ARMC8: variants seen among roughly 807,000 people sequenced by gnomAD.
ARMC8 encodes armadillo repeat-containing protein 8.
ARMC8 carries 20 observed loss-of-function variants against 99.3 expected under a neutral mutation model. The ratio of observed to expected loss-of-function variants is 0.20; its 90% CI spans 0.14 to 0.29. ARMC8 has a LOEUF of 0.29. Ranked by LOEUF, ARMC8 falls within the 10% of genes least tolerant of loss-of-function variation. The pLI is 1.00. For missense variants in ARMC8, 569 were observed against 809.5 expected (o/e 0.70, Z 3.60); for synonymous variants, 263 against 278.3 (o/e 0.95, Z 0.55).
chr3:138,222,073 C>A, intron 3 of ARMC8, 76 bp downstream of exon 3: 1 of 1,108,102 alleles, frequency 9.0e-7, no homozygotes, highest in Non-Finnish European at 1.3e-6. Context: ...ATTATAGAAC[C>A]CATTTTTCCT....
chr3:138,239,394 C>G, intron 9 of ARMC8, 74 bp from the exon 10 acceptor site: 1 of 1,164,522 alleles, frequency 8.6e-7, no homozygotes, highest in South Asian at 1.4e-5. Flanking sequence ...TTAATAAAAT[C>G]TTAAAGGCAA....
chr3:138,187,501 G>GA lies in ARMC8; in HGVS notation c.-51dup. 6.5e-7 allele frequency: 1 copy of GA among 1,532,414 alleles called. No homozygotes were observed. Among genetic ancestry groups the GA allele is most frequent in the Non-Finnish European group, 8.7e-7 (1 of 1,143,814 alleles). 94.9% of individuals were successfully genotyped at this position (1,532,414 alleles called of 1,614,324 possible). On this transcript the variant is annotated 5_prime_UTR_variant, in exon 1 of 22. Coordinates refer to ENST00000469044, the MANE Select transcript of ARMC8 (RefSeq NM_001363941.2). ...TAGCGTTGGCCAATAGTTGGCTGTC[G>GA]AAAGTGCCGGCCCCCGCGCCGGCGC...
At chr3:138,235,900 C>T (rs373573432) in intron 7 of ARMC8, among the ~76,000 whole-genome samples, 3 of 150,518 alleles carry the variant, frequency 2.0e-5, no homozygotes, top group African/African-American at 4.9e-5. Flanking sequence ...CCGCCTCCCA[C>T]GTTCACGCCA....
At chr3:138,246,857 CAAATA>C (rs951893535) in intron 12 of ARMC8, 3 of 933,610 alleles carry the variant, frequency 3.2e-6, no homozygotes, top group Non-Finnish European at 3.8e-6. Flanking sequence ...AGAAAGATGA[CAAATA>C]AAGAAAAAGT....
At chr3:138,268,502 G>A (rs189230693) in intron 15 of ARMC8, among the ~76,000 whole-genome samples, 1 of 152,214 alleles carries the variant, frequency 6.6e-6, no homozygotes, top group Admixed American at 6.5e-5. Context: ...GGATATTTAG[G>A]GTCTAGTTAG....
chr3:138,189,087 C>T (rs1265112888), intron 1 of ARMC8, among the ~76,000 whole-genome samples: 2 of 151,928 alleles, frequency 1.3e-5, no homozygotes, highest in East Asian at 1.9e-4. Context: ...TTCATTTATC[C>T]TTCAGTTCAC....
At chr3:138,250,470 A>G (rs2047072329) in intron 12 of ARMC8, among the ~76,000 whole-genome samples, 1 of 152,188 alleles carries the variant, frequency 6.6e-6, no homozygotes, top group Admixed American at 6.5e-5. Flanking sequence ...TTTTAGAAAC[A>G]TAGGCTCTTT....
chr3:138,233,889 T>G (rs2046192353), intron 6 of ARMC8, among the ~76,000 whole-genome samples: 1 of 152,246 alleles, frequency 6.6e-6, no homozygotes, highest in African/African-American at 2.4e-5. Flanking sequence ...GTGTTGGCTT[T>G]AGCTGATTTT....
intron 12 of ARMC8, among the ~76,000 whole-genome samples, chr3:138,252,281 G>T (rs1050557953): frequency 6.6e-6 from 1 of 152,066 alleles, no homozygotes; most frequent in African/African-American, 2.4e-5. Context: ...TTATATTGCC[G>T]TACGACCTTG....
At chr3:138,251,166 C>CAA (rs879912592) in intron 12 of ARMC8, among the ~76,000 whole-genome samples, 2 of 127,366 alleles carry the variant, frequency 1.6e-5, no homozygotes, top group Non-Finnish European at 3.4e-5. Context: ...AACCCTGTCT[C>CAA]AAAAAAAAAA....
At chr3:138,208,593 A>G (rs2044521051) in intron 1 of ARMC8, among the ~76,000 whole-genome samples, 1 of 152,172 alleles carries the variant, frequency 6.6e-6, no homozygotes, top group African/African-American at 2.4e-5. Context: ...TGTCTTGGTA[A>G]TTAACTTTTA....
chr3:138,219,213 G>C (rs2045254524), intron 2 of ARMC8, among the ~76,000 whole-genome samples: 1 of 152,196 alleles, frequency 6.6e-6, no homozygotes, highest in African/African-American at 2.4e-5. Context: ...AAGTAATGTA[G>C]AAATCTTGGA....
chr3:138,213,236 A>G (rs1264961436), intron 2 of ARMC8, among the ~76,000 whole-genome samples: 1 of 152,370 alleles, frequency 6.6e-6, no homozygotes, highest in East Asian at 1.9e-4. Context: ...ATCTACCCAT[A>G]AATATGGGAA....
rs974354797 is a variant in ARMC8 at position 138,296,931 on chromosome 3, G to A, written c.*1039G>A. ...ATGGAAACTTGTGCTCAAACTAAAA[G>A]TAGGTCATCACTTCCCAGAAACAGA... On this transcript the variant is annotated 3_prime_UTR_variant, in exon 22 of 22. Coordinates refer to ENST00000469044, the MANE Select transcript of ARMC8 (RefSeq NM_001363941.2). The A allele has an allele frequency of 6.6e-6, 1 of 152,170 alleles. No homozygotes were observed. Among genetic ancestry groups the A allele is most frequent in the Admixed American group, 6.5e-5 (1 of 15,270 alleles). The allele number at this position is 152,170 out of a possible 1,614,324, so 9.4% of individuals were successfully genotyped here.
chr3:138,209,806 C>T lies in ARMC8; in HGVS notation c.46-11C>T, dbSNP rs1489541443. On this transcript the variant is annotated splice_polypyrimidine_tract_variant and intron_variant, in intron 1 of 21. Coordinates refer to ENST00000469044, the MANE Select transcript of ARMC8 (RefSeq NM_001363941.2). ...GCTTCAGATGTCATAATTTTTCCCC[C>T]CACTTTCTAGGAAGTAACAGCTAGC... 1 of 1,612,640 alleles carries T rather than the reference C, an allele frequency of 6.2e-7. No homozygotes were observed. Among genetic ancestry groups the T allele is most frequent in the African/African-American group, 1.3e-5 (1 of 74,868 alleles).
intron 17 of ARMC8, 123 bp downstream of exon 17, chr3:138,273,239 C>A: frequency 9.4e-7 from 1 of 1,065,660 alleles, no homozygotes; most frequent in Non-Finnish European, 1.3e-6. Context: ...TGCCCCCTTC[C>A]AAAGAAACAA....
At position 138,290,654 on chromosome 3, in the gene ARMC8, G is replaced by C. The variant is rs1383320514; in HGVS notation, c.1988+15G>C. The C allele has an allele frequency of 6.4e-7, 1 of 1,560,834 alleles. No homozygotes were observed. The highest frequency in any genetic ancestry group is 8.8e-7 in the Non-Finnish European group (1 of 1,142,020). On this transcript the variant is annotated intron_variant, in intron 21 of 21. Transcript: ENST00000469044. ...CTTTGTGACAAGTGAGTATGAATGT[G>C]AAAAGGCCTTGCTTTGGGCTGTGTT...
chr3:138,229,178 A>ATGTG (rs1317802461), intron 6 of ARMC8, 168 bp downstream of exon 6: 1 of 32,078 alleles, frequency 3.1e-5, no homozygotes, highest in African/African-American at 9.7e-5. Context: ...ATATATATAT[A>ATGTG]TATATGTATA....
At chr3:138,290,685 C>G (rs1331163297) in intron 21 of ARMC8, 46 bp downstream of exon 21, 1 of 1,336,818 alleles carries the variant, frequency 7.5e-7, no homozygotes, top group Admixed American at 2.0e-5. Flanking sequence ...GTGTTGGATT[C>G]TTTCGTGAAA....
Sources: gnomAD v4.1 joint callset for allele counts (sites outside exome capture counted in the v4.1 genomes callset) on GRCh38, gnomAD v4.1.1 for gene constraint, MANE v1.5 for transcripts, NCBI Gene and HGNC (gene_info 2026-07-23, HGNC 2026-07-21) for gene names.